Variants in YIF1B observed in about 807,000 individuals in gnomAD.
YIF1B encodes protein YIF1B.
In YIF1B, 24 loss-of-function variants were observed where a neutral mutation model predicts 34.6. The observed-to-expected ratio is 0.69, with a 90% CI of 0.50 to 0.98. The LOEUF is 0.98. YIF1B is among the 50% of genes least tolerant of loss of function. The pLI, the probability that YIF1B is intolerant of heterozygous loss-of-function variation, is 0.00. For synonymous variants in YIF1B, 186 were observed against 184.8 expected, an observed-to-expected ratio of 1.01 and a Z score of -0.05; for missense variants, 368 against 429.4, an observed-to-expected ratio of 0.86 and a Z score of 1.26.
intron 1 of YIF1B, among the ~76,000 whole-genome samples, chr19:38,310,425 A>C (rs755521793): frequency 3.3e-5 from 5 of 150,042 alleles, no homozygotes; most frequent in Non-Finnish European, 5.9e-5. Context: ...CCACTCACCA[A>C]GCTATCTATC....
At chr19:38,316,035 C>G, upstream of YIF1B, 1 of 1,320,132 alleles carries the variant, frequency 7.6e-7, no homozygotes, top group South Asian at 2.0e-5. Flanking sequence ...GCCTCGCCCC[C>G]ACCCCCCCGA....
At chr19:38,315,534 A>C in intron 1 of YIF1B, 1 of 1,454,332 alleles carries the variant, frequency 6.9e-7, no homozygotes, top group Non-Finnish European at 9.0e-7. Context: ...AGCTGTCCTA[A>C]GGGTGTGGGC....
At chr19:38,320,283 G>A, upstream of YIF1B, 1 of 1,604,346 alleles carries the variant, frequency 6.2e-7, no homozygotes. Context: ...GTACGTAAGC[G>A]CCTCACCGCA....
At chr19:38,315,511 CG>C (rs1969510083) in intron 1 of YIF1B, 2 of 1,403,658 alleles carry the variant, frequency 1.4e-6, no homozygotes, top group Non-Finnish European at 1.8e-6. Flanking sequence ...TCTGCGCTCC[CG>C]GGGGGCCACG....
intron 5 of YIF1B, 41 bp from the exon 6 acceptor site, chr19:38,307,793 A>AC (rs750903001): frequency 1.2e-4 from 194 of 1,602,994 alleles, no homozygotes; most frequent in Non-Finnish European, 1.6e-4. Context: ...GCTGGTTCAG[A>AC]CCCCCCACCC....
At position 38,304,782 on chromosome 19, in the gene YIF1B, C is replaced by T. The variant is rs1020207288; in HGVS notation, c.*570G>A. On this transcript the variant is annotated 3_prime_UTR_variant, in exon 8 of 8. Transcript: ENST00000339413. ...GGCGGGGAGGGTGCGGGGAGTGGTC[C>T]CCCTGTCTCGCTTCCAGCCCAGAAC... The T allele has an allele frequency of 1.9e-6, 3 of 1,612,236 alleles. No homozygotes were observed. The highest frequency in any genetic ancestry group is 2.7e-5 in the African/African-American group (2 of 74,888).
At chr19:38,315,258 A>G (rs942401890) in intron 1 of YIF1B, among the ~76,000 whole-genome samples, 4 of 151,924 alleles carry the variant, frequency 2.6e-5, no homozygotes, top group Middle Eastern at 3.2e-3. Context: ...AAAAAAAAAA[A>G]AAAGAAAAAG....
intron 5 of YIF1B, among the ~76,000 whole-genome samples, 194 bp downstream of exon 5, chr19:38,308,598 G>C (rs572985549): frequency 1.1e-4 from 16 of 152,088 alleles, no homozygotes; most frequent in Non-Finnish European, 1.8e-4. Flanking sequence ...GTGACGCAAT[G>C]CATGTGGGTA....
Position 38,305,107 on chromosome 19 carries a change from T to C in YIF1B, c.*245A>G, listed in dbSNP as rs1968944373. 6.8e-7 allele frequency: 1 copy of C among 1,462,240 alleles called. No individual in the cohort carries two copies. The highest frequency in any genetic ancestry group is 1.4e-5 in the South Asian group (1 of 72,678). 90.6% of individuals were successfully genotyped at this position (1,462,240 alleles called of 1,614,324 possible). A position where few individuals can be genotyped will look rare whatever the true frequency, so the allele number is the denominator to read the frequency against. Reference sequence around the variant, plus strand: ...TTCGTGCGCGAGGCCAAGGAGAGGCTGTCCACGCCATGCCCATCAGGGTTT... The same window carrying C: ...TTCGTGCGCGAGGCCAAGGAGAGGCCGTCCACGCCATGCCCATCAGGGTTT... On this transcript the variant is annotated 3_prime_UTR_variant, in exon 8 of 8. Transcript: ENST00000339413.
chr19:38,304,639 T>A lies in YIF1B; in HGVS notation c.*713A>T. The A allele has an allele frequency of 1.9e-6, 3 of 1,613,402 alleles. No individual in the cohort carries two copies. The highest frequency in any genetic ancestry group is 2.5e-6 in the Non-Finnish European group (3 of 1,179,934). ...CTCCATCCAGCAAGGACACCACAGC[T>A]CTTCCGACTCCAGCAGCAGCTCCAG... On this transcript the variant is annotated 3_prime_UTR_variant, in exon 8 of 8. Coordinates refer to ENST00000339413, the MANE Select transcript of YIF1B (RefSeq NM_001039672.3).
At chr19:38,316,139 C>A (rs903283637), upstream of YIF1B, among the ~76,000 whole-genome samples, 2 of 151,240 alleles carry the variant, frequency 1.3e-5, no homozygotes, top group African/African-American at 2.4e-5. Context: ...TGCAGTAAAG[C>A]GAGTCAAGGC....
chr19:38,315,094 A>T (rs1347225623), intron 1 of YIF1B, among the ~76,000 whole-genome samples: 2 of 151,724 alleles, frequency 1.3e-5, no homozygotes, highest in Admixed American at 6.6e-5. Context: ...CCCCGTCTAT[A>T]CCACCCCGGG....
rs1968897919 is a variant in YIF1B, at chr19:38,304,511, C to T, written c.*841G>A. 1.9e-6 allele frequency: 3 copies of T among 1,563,656 alleles called. No individual in the cohort carries two copies. Among genetic ancestry groups the T allele is most frequent in the Admixed American group, 3.9e-5 (2 of 51,808 alleles). ...CAAAGGTAAGTCGCCTCATCACCGG[C>T]TGCGGAGGGGCGGGAAGGCTGGGGT... On this transcript the variant is annotated 3_prime_UTR_variant, in exon 8 of 8. Transcript: ENST00000339413.
chr19:38,312,952 T>A (rs1487751956), intron 1 of YIF1B, among the ~76,000 whole-genome samples: 2 of 109,178 alleles, frequency 1.8e-5, no homozygotes, highest in Admixed American at 1.0e-4. Flanking sequence ...TTCCCCTACT[T>A]CTTCTTCTTT....
At chr19:38,313,453 G>T (rs866222618) in intron 1 of YIF1B, among the ~76,000 whole-genome samples, 1 of 149,400 alleles carries the variant, frequency 6.7e-6, no homozygotes, top group Non-Finnish European at 1.5e-5. Flanking sequence ...TAGAGACGGG[G>T]TTTCACCGTG....
In YIF1B at chr19:38,305,020, C is replaced by T; in HGVS notation, c.*332G>A. ...CTCTCTGCCTTCTGCGACTGGTCAG[C>T]GTGGTGCCTACTCTGGCCCGTCCCC... On this transcript the variant is annotated 3_prime_UTR_variant, in exon 8 of 8. Transcript: ENST00000339413. 1 of 1,553,662 alleles carries T rather than the reference C, an allele frequency of 6.4e-7. No individual in the cohort carries two copies. The highest frequency in any genetic ancestry group is 8.7e-7 in the Non-Finnish European group (1 of 1,148,524).
upstream of YIF1B, chr19:38,320,287 C>A (rs767803813): frequency 6.2e-7 from 1 of 1,604,156 alleles, no homozygotes; most frequent in East Asian, 2.2e-5. Context: ...GTAAGCGCCT[C>A]ACCGCAAGGC....
chr19:38,307,794 C>G, intron 5 of YIF1B, 42 bp from the exon 6 acceptor site: 1 of 1,602,916 alleles, frequency 6.2e-7, no homozygotes, highest in Non-Finnish European at 8.5e-7. Context: ...CTGGTTCAGA[C>G]CCCCCACCCC....
At position 38,307,545 on chromosome 19, in the gene YIF1B, G is replaced by T. The variant is rs373727301; in HGVS notation, c.696-24C>A. On this transcript the variant is annotated intron_variant, in intron 6 of 7. Transcript: ENST00000339413. ...TCCTGGGGGAGGGAGAGGAGGCTGT[G>T]TGAGGACAAGGCCCAAGGGCTGGGG... 9.3e-6 allele frequency: 15 copies of T among 1,613,710 alleles called. No homozygotes were observed. The African/African-American group carries it at 1.1e-4, about 11-fold the overall frequency.
Sources: allele counts gnomAD v4.1 joint callset (sites outside exome capture counted in the v4.1 genomes callset), GRCh38; gene constraint gnomAD v4.1.1; transcripts MANE v1.5; gene names NCBI Gene and HGNC (gene_info 2026-07-23, HGNC 2026-07-21).